Variants in KIF6 observed in about 807,000 individuals in gnomAD.
The protein encoded by KIF6 is kinesin-like protein KIF6.
KIF6 carries 106 observed loss-of-function variants against 112.7 expected under a neutral mutation model. The ratio of observed to expected loss-of-function variants is 0.94; its 90% CI spans 0.80 to 1.11. The LOEUF is 1.11. Ranked by LOEUF, KIF6 falls within the 50% of genes least tolerant of loss-of-function variation. The probability of loss-of-function intolerance (pLI) is 0.00; values close to 1 mark genes in which losing one functional copy is unlikely to be tolerated. For synonymous variants in KIF6, 339 were observed against 339.9 expected (o/e 1.00, Z 0.03); for missense variants, 929 against 964.0 (o/e 0.96, Z 0.48).
chr6:39,408,578 T>C (rs1267253368), intron 15 of KIF6, among the ~76,000 whole-genome samples: 1 of 152,086 alleles, frequency 6.6e-6, no homozygotes, highest in Non-Finnish European at 1.5e-5. Context: ...GAATGATACT[T>C]TATGGTCCTA....
chr6:39,542,271 T>C (rs1004235820), intron 12 of KIF6, among the ~76,000 whole-genome samples: 1 of 152,210 alleles, frequency 6.6e-6, no homozygotes, highest in Admixed American at 6.5e-5. Flanking sequence ...TTCCCCTGTC[T>C]TCTTGTCCTC....
At chr6:39,546,152 C>T (rs935021058) in intron 10 of KIF6, among the ~76,000 whole-genome samples, 1 of 152,146 alleles carries the variant, frequency 6.6e-6, no homozygotes, top group East Asian at 1.9e-4. Context: ...CTTTCTACAG[C>T]CCCCAAGCCT....
At chr6:39,462,832 G>A (rs1773560970) in intron 13 of KIF6, among the ~76,000 whole-genome samples, 1 of 152,072 alleles carries the variant, frequency 6.6e-6, no homozygotes, top group South Asian at 2.1e-4. Context: ...CTTGTACAGA[G>A]AAAATATTCA....
chr6:39,677,485 T>C (rs1787219344), intron 3 of KIF6, among the ~76,000 whole-genome samples: 3 of 151,274 alleles, frequency 2.0e-5, no homozygotes, highest in Admixed American at 2.0e-4. Context: ...AGTTTTTTAG[T>C]TATTAAAAAG....
intron 5 of KIF6, among the ~76,000 whole-genome samples, chr6:39,628,402 A>T (rs1398308493): frequency 6.6e-6 from 1 of 151,940 alleles, no homozygotes; most frequent in Admixed American, 6.6e-5. Flanking sequence ...CTGTGTGTGC[A>T]TTTAGTTTTA....
chr6:39,680,572 A>T (rs1489365233), intron 3 of KIF6, among the ~76,000 whole-genome samples: 1 of 152,204 alleles, frequency 6.6e-6, no homozygotes, highest in Non-Finnish European at 1.5e-5. Context: ...GTAGAGGGAG[A>T]CATGATGGGC....
intron 13 of KIF6, among the ~76,000 whole-genome samples, chr6:39,444,567 A>G (rs1015032992): frequency 1.3e-5 from 2 of 152,146 alleles, no homozygotes; most frequent in African/African-American, 4.8e-5. Context: ...AATATCATGT[A>G]TACAATACAG....
chr6:39,463,675 G>T (rs994822759), intron 13 of KIF6, among the ~76,000 whole-genome samples: 1 of 152,098 alleles, frequency 6.6e-6, no homozygotes, highest in Admixed American at 6.5e-5. Flanking sequence ...CCCATCAGAT[G>T]GCCACTTTTT....
Position 39,578,150 on chromosome 6 carries a change from G to A in KIF6, c.1087C>T (p.Arg363Cys), listed in dbSNP as rs142944273. 3.9e-4 allele frequency: 633 copies of A among 1,610,998 alleles called. 2 individuals carry two copies. The African/African-American group carries it at 7.2e-3, about 18-fold the overall frequency. Residue 363 changes from arginine to cysteine, a missense_variant, in exon 10 of 23, where the codon CGC (arginine) becomes TGC (cysteine). Around this residue, in one of 2 missense-constraint regions of KIF6, gnomAD observed 688 missense variants for 662.7 expected, o/e 1.04. Coordinates refer to ENST00000287152, the MANE Select transcript of KIF6 (RefSeq NM_145027.6). ...EEINPRLVIK[R>C]LQKEIQELKD... ...AGTTCCTGGATTTCCTTTTGTAGGC[G>A]TTTAATCACCTACAAATGGCAAAGA...
chr6:39,673,774 G>A (rs544365512), intron 3 of KIF6, among the ~76,000 whole-genome samples: 1 of 152,296 alleles, frequency 6.6e-6, no homozygotes, highest in African/African-American at 2.4e-5. Flanking sequence ...GTTGTTTGGG[G>A]TTATAGTGAG....
chr6:39,625,053 TC>T (rs1784018876), intron 5 of KIF6, among the ~76,000 whole-genome samples: 1 of 136,930 alleles, frequency 7.3e-6, no homozygotes, highest in Non-Finnish European at 1.6e-5. Context: ...TCTCTTTCTC[TC>T]CTCACCAGGC....
chr6:39,587,070 G>C (rs889527108), intron 7 of KIF6, among the ~76,000 whole-genome samples: 3 of 152,146 alleles, frequency 2.0e-5, no homozygotes, highest in Admixed American at 2.0e-4. Context: ...TTCAATTCAG[G>C]CTTGCTCACC....
chr6:39,638,930 G>T (rs1561886963), intron 4 of KIF6, among the ~76,000 whole-genome samples: 1 of 152,044 alleles, frequency 6.6e-6, no homozygotes, highest in Non-Finnish European at 1.5e-5. Context: ...ATGGCACAAA[G>T]CACAGAGTTA....
chr6:39,476,888 G>A (rs113008820), intron 13 of KIF6, among the ~76,000 whole-genome samples: 1,685 of 152,258 alleles, frequency 0.011, 41 homozygotes, highest in African/African-American at 0.039. Context: ...CTTCTTGAGG[G>A]AAGGATCACA....
chr6:39,440,121 T>C (rs373693713), intron 13 of KIF6, among the ~76,000 whole-genome samples: 1 of 151,678 alleles, frequency 6.6e-6, no homozygotes, highest in South Asian at 2.1e-4. Flanking sequence ...CAGGGGACGA[T>C]GAACAGTGAG....
At chr6:39,517,366 T>G (rs762223815) in intron 13 of KIF6, among the ~76,000 whole-genome samples, 13 of 152,174 alleles carry the variant, frequency 8.5e-5, no homozygotes, top group Non-Finnish European at 1.9e-4. Flanking sequence ...TGGTTGTAGT[T>G]GAGTCAGATG....
intron 3 of KIF6, among the ~76,000 whole-genome samples, chr6:39,661,987 A>G (rs1187157780): frequency 6.6e-6 from 1 of 152,224 alleles, no homozygotes. Context: ...TTGGCACCCC[A>G]GGAAAGTTTA....
At position 39,342,601 on chromosome 6, in the gene KIF6, AT is replaced by A. The variant is rs903587110; in HGVS notation, c.2428+1107del. Among the ~76,000 whole-genome samples, 4 of 83,222 alleles carry A rather than the reference AT, an allele frequency of 4.8e-5. No individual in the cohort carries two copies. The highest frequency in any genetic ancestry group is 3.3e-4 in the South Asian group (1 of 3,070). 54.6% of individuals were successfully genotyped at this position (83,222 alleles called of 152,430 possible). A position where few individuals can be genotyped will look rare whatever the true frequency, so the allele number is the denominator to read the frequency against. On this transcript the variant is annotated intron_variant, in intron 22 of 22. Transcript: ENST00000287152. The surrounding 1 kb of genome is among the most constrained non-coding windows in gnomAD (Gnocchi z 4.7). ...TGGAGATCACTGAATCCAGTTTTTTATTTTTTTTTATTTTTTTTTATTTTTT... is the reference window on the plus strand; with the variant it reads ...TGGAGATCACTGAATCCAGTTTTTTATTTTTTTTATTTTTTTTTATTTTTT...
chr6:39,356,736 C>T lies in KIF6; in HGVS notation c.2180+541G>A, dbSNP rs182386737. 2.6e-5 allele frequency among the ~76,000 whole-genome samples: 4 copies of T among 152,272 alleles called. No homozygotes were observed. The East Asian group carries it at 7.7e-4, about 29-fold the overall frequency. On this transcript the variant is annotated intron_variant, in intron 19 of 22. Coordinates refer to ENST00000287152, the MANE Select transcript of KIF6 (RefSeq NM_145027.6). Reference sequence around the variant, plus strand: ...GAGGCGTGCTTCCTCGGTGCTACCCCCTGGGTTGTGTGGTTGGAAAGAGAC... The same window carrying T: ...GAGGCGTGCTTCCTCGGTGCTACCCTCTGGGTTGTGTGGTTGGAAAGAGAC...
Sources: gnomAD v4.1 joint callset for allele counts (sites outside exome capture counted in the v4.1 genomes callset) on GRCh38, gnomAD v4.1.1 for gene constraint, gnomAD v4.1.1 regional missense constraint, Gnocchi (gnomAD v3.1) non-coding constraint, MANE v1.5 for transcripts, NCBI Gene and HGNC (gene_info 2026-07-23, HGNC 2026-07-21) for gene names.